The following IL1RL1 variants were observed in gnomAD, a reference collection of about 807,000 sequenced individuals.
IL1RL1 encodes interleukin 1 receptor like 1.
Under a neutral mutation model 50.9 loss-of-function variants are expected in IL1RL1, and 32 were observed. The ratio of observed to expected loss-of-function variants is 0.63; its 90% confidence interval spans 0.47 to 0.84. The LOEUF (loss-of-function observed/expected upper bound fraction) is 0.84. IL1RL1 is among the 40% of genes least tolerant of loss of function. The pLI is 0.00. For missense variants in IL1RL1, 773 were observed against 662.9 expected, an observed-to-expected ratio of 1.17 and a Z score of -1.82; for synonymous variants, 275 against 236.0, an observed-to-expected ratio of 1.17 and a Z score of -1.51.
chr2:102,341,179 T>TG, intron 5 of IL1RL1: 1 of 1,105,694 alleles, frequency 9.0e-7, no homozygotes, highest in Non-Finnish European at 1.1e-6. Flanking sequence ...TTTTTTTTTT[T>TG]TTTTCTAGTT....
intron 10 of IL1RL1, among the ~76,000 whole-genome samples, chr2:102,350,363 C>T (rs779106434): frequency 7.9e-5 from 12 of 152,236 alleles, no homozygotes; most frequent in Non-Finnish European, 1.3e-4. Flanking sequence ...TCAGCCAAAC[C>T]CAGATGCTAG....
intron 10 of IL1RL1, 84 bp from the exon 11 acceptor site, chr2:102,351,452 A>G: frequency 8.1e-7 from 1 of 1,238,598 alleles, no homozygotes. Flanking sequence ...CCAGATTATA[A>G]CAATAAGACT....
chr2:102,334,077 A>G (rs1367102936), intron 1 of IL1RL1, among the ~76,000 whole-genome samples: 2 of 152,046 alleles, frequency 1.3e-5, no homozygotes, highest in African/African-American at 4.8e-5. Context: ...TTTTTTATAC[A>G]CTAATTTCTT....
At chr2:102,345,811 T>A in intron 8 of IL1RL1, 2 of 985,494 alleles carry the variant, frequency 2.0e-6, no homozygotes, top group Non-Finnish European at 2.4e-6. Context: ...GTGGACCCCA[T>A]CAAGGTGCTA....
At chr2:102,344,745 T>G (rs1328753697) in intron 8 of IL1RL1, 1 of 942,820 alleles carries the variant, frequency 1.1e-6, no homozygotes, top group Non-Finnish European at 1.3e-6. Flanking sequence ...AAATGTTTTT[T>G]TTGTGTACAT....
At chr2:102,344,746 T>G (rs967846700) in intron 8 of IL1RL1, 1 of 943,226 alleles carries the variant, frequency 1.1e-6, no homozygotes. Flanking sequence ...AATGTTTTTT[T>G]TGTGTACATT....
At chr2:102,352,102 T>C (rs1677953304), downstream of IL1RL1, 1 of 591,958 alleles carries the variant, frequency 1.7e-6, no homozygotes, top group African/African-American at 1.9e-5. Flanking sequence ...TGGCCAGAAA[T>C]TTTTCTCCTC....
intron 8 of IL1RL1, chr2:102,343,632 C>T (rs1346450901): frequency 4.2e-6 from 6 of 1,433,820 alleles, no homozygotes; most frequent in South Asian, 1.5e-5. Flanking sequence ...TCCTCCCCCA[C>T]TCCCTCCTAT....
intron 1 of IL1RL1, among the ~76,000 whole-genome samples, chr2:102,315,664 G>T (rs1573126195): frequency 6.6e-6 from 1 of 152,080 alleles, no homozygotes; most frequent in East Asian, 1.9e-4. Flanking sequence ...TTAAGTAGTG[G>T]TTTCTGGAAA....
intron 8 of IL1RL1, chr2:102,345,001 TA>T: frequency 1.1e-6 from 1 of 952,104 alleles, no homozygotes; most frequent in Non-Finnish European, 1.3e-6. Context: ...TTTAAAAATG[TA>T]ACATTCTTTT....
At chr2:102,323,265 ATATATATAGTGTGTGT>A (rs70946687) in intron 1 of IL1RL1, among the ~76,000 whole-genome samples, 69,303 of 142,740 alleles carry the variant, frequency 0.49, 16,973 homozygotes, top group Middle Eastern at 0.63. Context: ...ATATATATAT[ATATATATAGTGTGTGT>A]GTGTGTGTGT....
intron 10 of IL1RL1, among the ~76,000 whole-genome samples, 161 bp downstream of exon 10, chr2:102,349,407 A>T (rs1033947010): frequency 1.3e-5 from 2 of 152,156 alleles, no homozygotes; most frequent in African/African-American, 2.4e-5. Context: ...TTATCCTTCA[A>T]TCGCCCCTCT....
chr2:102,323,904 C>G (rs1300551934), intron 1 of IL1RL1, among the ~76,000 whole-genome samples: 1 of 152,158 alleles, frequency 6.6e-6, no homozygotes, highest in African/African-American at 2.4e-5. Flanking sequence ...TAGGTACCCA[C>G]TCACTGGCCT....
At chr2:102,337,062 G>A (rs1456468488) in intron 1 of IL1RL1, 1 of 152,170 alleles carries the variant, frequency 6.6e-6, no homozygotes, top group Non-Finnish European at 1.5e-5. Context: ...AAAATAGGAG[G>A]AAATGATTCA....
At chr2:102,333,744 C>T (rs1234829523) in intron 1 of IL1RL1, among the ~76,000 whole-genome samples, 1 of 152,080 alleles carries the variant, frequency 6.6e-6, no homozygotes, top group Non-Finnish European at 1.5e-5. Flanking sequence ...CCCTACCCTC[C>T]CTACTTTTGG....
intron 1 of IL1RL1, among the ~76,000 whole-genome samples, chr2:102,335,090 G>A (rs910038143): frequency 7.2e-5 from 11 of 152,088 alleles, no homozygotes; most frequent in African/African-American, 1.9e-4. Flanking sequence ...AGAAACAAGC[G>A]GACACTGGAA....
At position 102,311,605 on chromosome 2, in the gene IL1RL1, C is replaced by G. The variant is rs1676472362; in HGVS notation, c.-168C>G. The G allele has an allele frequency of 6.6e-6, 1 of 150,576 alleles. No homozygotes were observed. The highest frequency in any genetic ancestry group is 2.1e-4 in the South Asian group (1 of 4,788). 9.3% of individuals were successfully genotyped at this position (150,576 alleles called of 1,614,324 possible). On this transcript the variant is annotated 5_prime_UTR_variant, in exon 1 of 11. Transcript: ENST00000233954. ...GCAGAAAGTTGAGGAAGAAAGAACT[C>G]AAGTACAACCCAATGAGGGTAAGTG...
chr2:102,346,572 C>A (rs560061261), intron 8 of IL1RL1, among the ~76,000 whole-genome samples: 19 of 152,312 alleles, frequency 1.2e-4, no homozygotes, highest in African/African-American at 4.6e-4. Context: ...CCCAGCAATC[C>A]CCACAGGAAG....
chr2:102,314,435 A>T (rs1676613984), intron 1 of IL1RL1, among the ~76,000 whole-genome samples: 1 of 152,214 alleles, frequency 6.6e-6, no homozygotes, highest in Non-Finnish European at 1.5e-5. Flanking sequence ...ATGCTATCCT[A>T]ATGAAAAAAC....
Sources: gnomAD v4.1 joint callset for allele counts (sites outside exome capture counted in the v4.1 genomes callset) on GRCh38, gnomAD v4.1.1 for gene constraint, MANE v1.5 for transcripts, NCBI Gene and HGNC (gene_info 2026-07-23, HGNC 2026-07-21) for gene names.